Variants in PTPRM observed in about 807,000 individuals in gnomAD.
The protein encoded by PTPRM is receptor-type tyrosine-protein phosphatase mu.
In PTPRM, 47 loss-of-function variants were observed where a neutral mutation model predicts 186.7. The ratio of observed to expected loss-of-function variants is 0.25; its 90% CI spans 0.20 to 0.32. The LOEUF is 0.32. Among genes scored for constraint, PTPRM ranks in the 10% least tolerant of loss-of-function variants. PTPRM has a pLI of 1.00. For synonymous variants in PTPRM, 668 were observed against 674.9 expected, an observed-to-expected ratio of 0.99 and a Z score of 0.16; for missense variants, 1,494 against 1,865.0, an observed-to-expected ratio of 0.80 and a Z score of 3.66.
chr18:8,221,377 C>T (rs1315008862), intron 14 of PTPRM, among the ~76,000 whole-genome samples: 1 of 152,074 alleles, frequency 6.6e-6, no homozygotes, highest in Non-Finnish European at 1.5e-5. Context: ...GCTGAGCTCA[C>T]AGGGGATGCT....
At chr18:8,289,577 CAT>C (rs753067953) in intron 19 of PTPRM, among the ~76,000 whole-genome samples, 1,999 of 116,620 alleles carry the variant, frequency 0.017, 101 homozygotes, top group Middle Eastern at 0.024. Context: ...TATATATATA[CAT>C]ATATATATAC....
chr18:8,169,283 C>T (rs139755314), intron 14 of PTPRM, among the ~76,000 whole-genome samples: 1 of 151,222 alleles, frequency 6.6e-6, no homozygotes, highest in East Asian at 1.9e-4. Context: ...ATATCACAGA[C>T]ACATGTTAAC....
intron 1 of PTPRM, among the ~76,000 whole-genome samples, chr18:7,598,523 C>A (rs2037320904): frequency 6.6e-6 from 1 of 152,184 alleles, no homozygotes; most frequent in Non-Finnish European, 1.5e-5. Flanking sequence ...ATTAGGTACT[C>A]AGAAATTTCT....
intron 1 of PTPRM, among the ~76,000 whole-genome samples, chr18:7,711,401 G>A (rs566968175): frequency 1.6e-4 from 24 of 152,272 alleles, no homozygotes; most frequent in African/African-American, 5.8e-4. Flanking sequence ...ACAAAACTGG[G>A]CAGCCATTTG....
chr18:8,018,329 C>G (rs546305535), intron 7 of PTPRM, among the ~76,000 whole-genome samples: 199 of 152,232 alleles, frequency 1.3e-3, no homozygotes, highest in African/African-American at 4.2e-3. Context: ...CCTTAGGAAC[C>G]TTTTTAAATG....
At chr18:7,785,862 A>G (rs1406329852) in intron 2 of PTPRM, among the ~76,000 whole-genome samples, 1 of 152,218 alleles carries the variant, frequency 6.6e-6, no homozygotes, top group Non-Finnish European at 1.5e-5. Flanking sequence ...AATGCTTCAC[A>G]TGGTTTTATG....
intron 19 of PTPRM, among the ~76,000 whole-genome samples, chr18:8,288,863 A>G (rs1014416569): frequency 6.6e-6 from 1 of 152,206 alleles, no homozygotes; most frequent in Non-Finnish European, 1.5e-5. Context: ...GGGGCCCTCC[A>G]GGGTGTTCAT....
At chr18:8,006,537 C>T (rs1217483728) in intron 7 of PTPRM, among the ~76,000 whole-genome samples, 1 of 152,202 alleles carries the variant, frequency 6.6e-6, no homozygotes, top group Non-Finnish European at 1.5e-5. Flanking sequence ...GCTTCCTCCT[C>T]CTGCTTCTCT....
At chr18:8,351,321 T>G (rs754257793) in intron 23 of PTPRM, among the ~76,000 whole-genome samples, 6 of 152,216 alleles carry the variant, frequency 3.9e-5, no homozygotes, top group Non-Finnish European at 8.8e-5. Context: ...GCCTTGGCTC[T>G]TCCCATGCCC....
chr18:8,351,029 A>G (rs1410508047), intron 23 of PTPRM, among the ~76,000 whole-genome samples: 1 of 152,202 alleles, frequency 6.6e-6, no homozygotes, highest in Non-Finnish European at 1.5e-5. Flanking sequence ...ATTTGTATTA[A>G]TTTAAATTGA....
At chr18:7,762,956 C>G (rs2041845212) in intron 1 of PTPRM, among the ~76,000 whole-genome samples, 1 of 152,178 alleles carries the variant, frequency 6.6e-6, no homozygotes, top group Non-Finnish European at 1.5e-5. Context: ...TCAATCTTCC[C>G]TATTTCCCTG....
chr18:7,592,104 G>A (rs538546787), intron 1 of PTPRM, among the ~76,000 whole-genome samples: 2 of 152,216 alleles, frequency 1.3e-5, no homozygotes, highest in East Asian at 3.9e-4. Context: ...ACATATTTTA[G>A]CATTTTTGAA....
At chr18:7,726,688 G>A (rs2040556347) in intron 1 of PTPRM, among the ~76,000 whole-genome samples, 1 of 152,148 alleles carries the variant, frequency 6.6e-6, no homozygotes, top group South Asian at 2.1e-4. Context: ...GTCTGTTGAT[G>A]TACCATTGTG....
At chr18:8,204,779 A>G (rs1406119019) in intron 14 of PTPRM, among the ~76,000 whole-genome samples, 1 of 151,876 alleles carries the variant, frequency 6.6e-6, no homozygotes, top group Admixed American at 6.6e-5. Flanking sequence ...AACAAAAAAA[A>G]AACAAAAACA....
chr18:8,153,897 T>G (rs895607228), intron 14 of PTPRM, among the ~76,000 whole-genome samples: 3 of 152,338 alleles, frequency 2.0e-5, no homozygotes, highest in Admixed American at 1.3e-4. Flanking sequence ...TAGTTTCCTC[T>G]TTTGTAAGTT....
intron 7 of PTPRM, among the ~76,000 whole-genome samples, chr18:8,010,712 T>G (rs967554269): frequency 6.6e-6 from 1 of 151,736 alleles, no homozygotes; most frequent in African/African-American, 2.4e-5. Context: ...TCAGGGAGGG[T>G]AGGATCTGAA....
intron 7 of PTPRM, among the ~76,000 whole-genome samples, chr18:8,042,320 C>A (rs1024975461): frequency 2.0e-5 from 3 of 152,022 alleles, no homozygotes; most frequent in African/African-American, 7.2e-5. Flanking sequence ...TGACTAAAAA[C>A]GTATTTATCT....
chr18:7,835,773 C>T (rs1021706868), intron 2 of PTPRM, among the ~76,000 whole-genome samples: 1 of 152,024 alleles, frequency 6.6e-6, no homozygotes, highest in African/African-American at 2.4e-5. Flanking sequence ...TATATATTTA[C>T]AATCATTATA....
intron 14 of PTPRM, among the ~76,000 whole-genome samples, chr18:8,221,515 G>A (rs1055619378): frequency 2.0e-5 from 3 of 152,234 alleles, no homozygotes; most frequent in African/African-American, 7.2e-5. Context: ...TTCAGAGAGA[G>A]CCAATGCTGC....
Sources: allele counts gnomAD v4.1 joint callset (sites outside exome capture counted in the v4.1 genomes callset), GRCh38; gene constraint gnomAD v4.1.1; transcripts MANE v1.5; gene names NCBI Gene and HGNC (gene_info 2026-07-23, HGNC 2026-07-21).